The following MS4A18 variants were observed in gnomAD, a reference collection of about 807,000 sequenced individuals.
MS4A18 encodes membrane-spanning 4-domains subfamily A member 18.
MS4A18 carries 27 observed loss-of-function variants against 13.1 expected under a neutral mutation model. That is an observed-to-expected ratio of 2.06 (90% CI 1.52 to 2.84). MS4A18 has a LOEUF of 2.84. Ranked by LOEUF, MS4A18 falls within the 30% of genes most tolerant of loss-of-function variation. The pLI is 0.00. For missense variants in MS4A18, 307 were observed against 196.4 expected (o/e 1.56, Z -3.37); for synonymous variants, 126 against 76.5 (o/e 1.65, Z -3.38).
intron 4 of MS4A18, among the ~76,000 whole-genome samples, chr11:60,740,767 TGCAAACA>T (rs1853402556): frequency 6.6e-6 from 1 of 152,124 alleles, no homozygotes; most frequent in South Asian, 2.1e-4. Context: ...TTTGAGCCTG[TGCAAACA>T]GCAAAGTAGG....
chr11:60,724,877 G>A (rs1052312862), upstream of MS4A18, among the ~76,000 whole-genome samples: 5 of 152,136 alleles, frequency 3.3e-5, no homozygotes, highest in African/African-American at 9.7e-5. Context: ...GCGGTCCCTC[G>A]GAAGTGTCTC....
chr11:60,726,993 T>A (rs183456268), upstream of MS4A18, among the ~76,000 whole-genome samples: 96 of 152,194 alleles, frequency 6.3e-4, no homozygotes, highest in Middle Eastern at 3.4e-3. Context: ...GTGTTCTCAT[T>A]GTTTAACTCC....
chr11:60,743,594 CATT>C, intron 5 of MS4A18, 53 bp from the exon 7 acceptor site: 1 of 673,920 alleles, frequency 1.5e-6, no homozygotes, highest in Non-Finnish European at 2.7e-6. Context: ...AAATTATGGC[CATT>C]GTTGTTGTTT....
rs1006388921 is a variant in MS4A18, at chr11:60,738,878, TCTCCTCTCC to T, written c.649-14_649-6del. On this transcript the variant is annotated splice_polypyrimidine_tract_variant and intron_variant, in intron 3 of 5. Transcript: ENST00000529108. ...CAGACTCTTCAGACTCGGCTCCCTC[TCTCCTCTCC>T]CTCCTCTCCTGCAGGTGAACAGCAG... The T allele has an allele frequency of 4.3e-6, 3 of 702,730 alleles. No homozygotes were observed. The highest frequency in any genetic ancestry group is 3.5e-5 in the African/African-American group (2 of 57,190). 43.5% of individuals were successfully genotyped at this position (702,730 alleles called of 1,614,324 possible).
intron 2 of MS4A18, 80 bp downstream of exon 3, chr11:60,733,727 A>C (rs1853292479): frequency 2.9e-6 from 2 of 700,618 alleles, no homozygotes; most frequent in African/African-American, 1.7e-5. Flanking sequence ...GGAGCATGGA[A>C]TCCCATTCCC....
At chr11:60,728,093 C>G (rs1853191060), upstream of MS4A18, among the ~76,000 whole-genome samples, 1 of 152,138 alleles carries the variant, frequency 6.6e-6, no homozygotes, top group Admixed American at 6.5e-5. Flanking sequence ...GTCGCAATCC[C>G]AACACCAACA....
At chr11:60,725,449 C>A (rs140454170), upstream of MS4A18, among the ~76,000 whole-genome samples, 888 of 152,224 alleles carry the variant, frequency 5.8e-3, 3 homozygotes, top group African/African-American at 0.02. Context: ...CCGCCTTGGC[C>A]TCCCAAAGTG....
At chr11:60,727,557 C>T (rs1853184540), upstream of MS4A18, among the ~76,000 whole-genome samples, 1 of 152,174 alleles carries the variant, frequency 6.6e-6, no homozygotes, top group Non-Finnish European at 1.5e-5. Flanking sequence ...GTTTCTCTCA[C>T]TCAGGATGCA....
At chr11:60,739,843 C>A (rs567350712) in intron 4 of MS4A18, among the ~76,000 whole-genome samples, 2 of 152,194 alleles carry the variant, frequency 1.3e-5, no homozygotes, top group African/African-American at 4.8e-5. Flanking sequence ...AGAACAAGAT[C>A]GAGAGTAGCT....
intron 3 of MS4A18, among the ~76,000 whole-genome samples, chr11:60,737,864 C>T (rs1010033507): frequency 6.6e-6 from 1 of 152,212 alleles, no homozygotes; most frequent in East Asian, 1.9e-4. Context: ...GCAAGGCAAA[C>T]TCCTGTGGCC....
chr11:60,733,705 G>T, intron 2 of MS4A18, 58 bp downstream of exon 3: 1 of 702,820 alleles, frequency 1.4e-6, no homozygotes. Flanking sequence ...CAAGAAGGAA[G>T]TGGAGGAAGA....
intron 2 of MS4A18, among the ~76,000 whole-genome samples, chr11:60,735,619 G>A (rs1318514802): frequency 6.8e-6 from 1 of 146,588 alleles, no homozygotes; most frequent in Non-Finnish European, 1.5e-5. Context: ...TTACAAGCGT[G>A]AGCCACGGCG....
exon 6 of MS4A18, chr11:60,744,036 A>G (rs1389932332): frequency 1.5e-6 from 1 of 681,358 alleles, no homozygotes; most frequent in South Asian, 1.6e-5. Flanking sequence ...GCCTGTCTCA[A>G]TGACAAGGGG....
At chr11:60,738,093 C>T (rs1853367486) in intron 3 of MS4A18, among the ~76,000 whole-genome samples, 1 of 152,208 alleles carries the variant, frequency 6.6e-6, no homozygotes, top group African/African-American at 2.4e-5. Context: ...ATCTCAACTT[C>T]CGTTTCTACT....
At chr11:60,734,309 T>G (rs1853304153) in intron 2 of MS4A18, among the ~76,000 whole-genome samples, 1 of 152,140 alleles carries the variant, frequency 6.6e-6, no homozygotes, top group African/African-American at 2.4e-5. Flanking sequence ...TAAAGTTGTG[T>G]GCTATAGACA....
chr11:60,738,186 A>G (rs1042891989), intron 3 of MS4A18, among the ~76,000 whole-genome samples: 7 of 152,142 alleles, frequency 4.6e-5, no homozygotes, highest in Non-Finnish European at 4.4e-5. Flanking sequence ...CTTCATCCCC[A>G]TAACCCTCTT....
At chr11:60,734,813 G>A (rs1305956935) in intron 2 of MS4A18, among the ~76,000 whole-genome samples, 5 of 147,474 alleles carry the variant, frequency 3.4e-5, no homozygotes, top group African/African-American at 5.0e-5. Context: ...GTGGAGTCTC[G>A]CTCTGTTGCC....
chr11:60,724,999 G>T (rs1303779675), upstream of MS4A18, among the ~76,000 whole-genome samples: 1 of 152,154 alleles, frequency 6.6e-6, no homozygotes, highest in Admixed American at 6.5e-5. Context: ...TAACTGAAGA[G>T]TCACAACAGG....
chr11:60,737,943 G>T (rs1231141541), intron 3 of MS4A18, among the ~76,000 whole-genome samples: 1 of 152,150 alleles, frequency 6.6e-6, no homozygotes, highest in Non-Finnish European at 1.5e-5. Flanking sequence ...CATCAACCAA[G>T]CTCACACCAC....
Sources: gnomAD v4.1 joint callset for allele counts (sites outside exome capture counted in the v4.1 genomes callset) on GRCh38, gnomAD v4.1.1 for gene constraint, MANE v1.5 for transcripts, NCBI Gene and HGNC (gene_info 2026-07-23, HGNC 2026-07-21) for gene names.